The following AIMP2 variants were observed in gnomAD, a reference collection of about 807,000 sequenced individuals.
AIMP2 encodes aminoacyl tRNA synthetase complex interacting multifunctional protein 2, also known as aminoacyl tRNA synthase complex-interacting multifunctional protein 2.
In AIMP2, 20 loss-of-function variants were observed where a neutral mutation model predicts 23.4. The ratio of observed to expected loss-of-function variants is 0.85; its 90% CI spans 0.60 to 1.24. The LOEUF is 1.24. AIMP2 is among the 50% of genes most tolerant of loss of function. The probability of loss-of-function intolerance (pLI) is 0.00; values close to 1 mark genes in which losing one functional copy is unlikely to be tolerated. For synonymous variants in AIMP2, 210 were observed against 170.4 expected (o/e 1.23, Z -1.81); for missense variants, 515 against 414.5 (o/e 1.24, Z -2.10).
intron 3 of AIMP2, chr7:6,023,028 T>TGGA (rs1221220885): frequency 2.8e-6 from 1 of 358,004 alleles, no homozygotes; most frequent in African/African-American, 2.1e-5. Flanking sequence ...CAGCAGGGAT[T>TGGA]GGAGCAGGTG....
rs754338789 is a variant in AIMP2, at chr7:6,023,288, G to GT, written c.575-9dup. ...CTGCTCTGGTGATGCTACCTGGCGT[G>GT]TTTTTTCTTTTCAGTGCCGAAGACG... On this transcript the variant is annotated splice_polypyrimidine_tract_variant and intron_variant, in intron 3 of 3. Coordinates refer to ENST00000223029, the MANE Select transcript of AIMP2 (RefSeq NM_006303.4). 1.3e-6 allele frequency: 2 copies of GT among 1,575,506 alleles called. No individual in the cohort carries two copies. The highest frequency in any genetic ancestry group is 1.4e-5 in the African/African-American group (1 of 73,700).
At chr7:6,010,805 G>A (rs796264923) in intron 1 of AIMP2, among the ~76,000 whole-genome samples, 30 of 109,226 alleles carry the variant, frequency 2.7e-4, no homozygotes, top group African/African-American at 1.5e-3. Context: ...ATGTGTCTGG[G>A]TGTTTTTTTT....
At chr7:6,018,085 C>T in intron 3 of AIMP2, 40 bp downstream of exon 3, 3 of 1,494,518 alleles carry the variant, frequency 2.0e-6, no homozygotes, top group Non-Finnish European at 2.8e-6. Context: ...ACACAGCTGC[C>T]CCTTGAACAC....
intron 3 of AIMP2, among the ~76,000 whole-genome samples, chr7:6,020,054 C>T (rs972828916): frequency 2.7e-5 from 4 of 150,066 alleles, no homozygotes; most frequent in Admixed American, 2.0e-4. Context: ...TTCATGAAGG[C>T]GTCACTATAG....
intron 2 of AIMP2, among the ~76,000 whole-genome samples, chr7:6,016,652 G>A (rs1787047275): frequency 6.6e-6 from 1 of 152,136 alleles, no homozygotes; most frequent in Admixed American, 6.6e-5. Context: ...AGCATGTGGT[G>A]CTCAAGATGA....
intron 3 of AIMP2, among the ~76,000 whole-genome samples, chr7:6,018,801 T>G (rs926501536): frequency 6.6e-6 from 1 of 150,884 alleles, no homozygotes; most frequent in Admixed American, 6.6e-5. Flanking sequence ...GCCATTGTAT[T>G]CCAGCCTGGG....
rs1045126413 is a variant in AIMP2, at chr7:6,020,936, GA to G, written c.575-2363del. On this transcript the variant is annotated intron_variant, in intron 3 of 3. Transcript: ENST00000223029. ...ACTGCTAACACCTGAGACTTAACGG[GA>G]AAAGATAAACACAGCTGCTGATCTT... Among the ~76,000 whole-genome samples the G allele has an allele frequency of 7.5e-4, 114 of 152,298 alleles. 1 individual carries two copies. The highest frequency in any genetic ancestry group is 2.6e-3 in the African/African-American group (107 of 41,574).
intron 1 of AIMP2, 128 bp downstream of exon 1, chr7:6,009,626 C>T: frequency 2.5e-6 from 2 of 801,126 alleles, no homozygotes; most frequent in Non-Finnish European, 3.5e-6. Flanking sequence ...TGCCGGCCGG[C>T]CAGGGACTCA....
intron 1 of AIMP2, among the ~76,000 whole-genome samples, chr7:6,012,135 TC>T (rs1157577835): frequency 1.3e-5 from 2 of 151,794 alleles, no homozygotes; most frequent in African/African-American, 4.8e-5. Context: ...TGCCTGTAGT[TC>T]CAGCTACTCA....
intron 2 of AIMP2, among the ~76,000 whole-genome samples, chr7:6,015,649 G>A (rs371231349): frequency 2.8e-4 from 42 of 152,204 alleles, no homozygotes; most frequent in African/African-American, 8.7e-4. Context: ...GCATGAACCC[G>A]GGCAGCAGAG....
At chr7:6,023,106 T>G in intron 3 of AIMP2, 197 bp from the exon 4 acceptor site, 1 of 623,444 alleles carries the variant, frequency 1.6e-6, no homozygotes, top group East Asian at 3.0e-5. Flanking sequence ...TGGTTACTTT[T>G]TTAACATAGT....
Position 6,017,867 on chromosome 7 carries a change from CCT to C in AIMP2, c.400_401del (p.Ser134ProfsTer10). ...VINANPASPP[L>X]SLLVLHRLLC... Reference sequence around the variant, plus strand: ...TCAACGCAAACCCGGCCTCCCCTCCCCTCTCCCTGCTTGTGCTGCACAGGCTG... The same window carrying C: ...TCAACGCAAACCCGGCCTCCCCTCCCCTCCCTGCTTGTGCTGCACAGGCTG... On this transcript the variant is annotated frameshift_variant, in exon 3 of 4. Coordinates refer to ENST00000223029, the MANE Select transcript of AIMP2 (RefSeq NM_006303.4). LOFTEE classifies it high-confidence loss of function. The C allele has an allele frequency of 6.2e-7, 1 of 1,614,128 alleles. No homozygotes were observed. Among genetic ancestry groups the C allele is most frequent in the South Asian group, 1.1e-5 (1 of 91,080 alleles).
chr7:6,009,553 C>T, intron 1 of AIMP2, 55 bp downstream of exon 1: 6 of 1,376,980 alleles, frequency 4.4e-6, no homozygotes, highest in Non-Finnish European at 4.7e-6. Context: ...GGCTGCTGGC[C>T]CGGGTCCCCC....
intron 3 of AIMP2, among the ~76,000 whole-genome samples, chr7:6,018,603 A>T (rs1425962641): frequency 6.6e-6 from 1 of 152,022 alleles, no homozygotes; most frequent in Non-Finnish European, 1.5e-5. Flanking sequence ...TGTGAGGCCA[A>T]GGCAGGCAGA....
At position 6,023,361 on chromosome 7, in the gene AIMP2, G is replaced by A. The variant is rs780570820; in HGVS notation, c.633G>A (p.Gly211=). 1 of 1,613,640 alleles carries A rather than the reference G, an allele frequency of 6.2e-7. No homozygotes were observed. The highest frequency in any genetic ancestry group is 2.2e-5 in the East Asian group (1 of 44,882). Reference sequence around the variant, plus strand: ...CGATGTGCCCCATCGAAGGCGAAGGGAACATTGCACGTTTCTTGTTCTCTC... The same window carrying A: ...CGATGTGCCCCATCGAAGGCGAAGGAAACATTGCACGTTTCTTGTTCTCTC... ...IQTMCPIEGE[G]NIARFLFSLF... The change falls in exon 4 of 4, where the codon GGG becomes GGA. Residue 211 remains glycine (G), a synonymous_variant. Coordinates refer to ENST00000223029, the MANE Select transcript of AIMP2 (RefSeq NM_006303.4).
intron 2 of AIMP2, among the ~76,000 whole-genome samples, chr7:6,017,522 CA>C (rs58136223): frequency 0.21 from 26,199 of 127,062 alleles, 2,555 homozygotes; most frequent in African/African-American, 0.31. Context: ...GACTCTGTCT[CA>C]AAAAAAAAAA....
At position 6,009,974 on chromosome 7, in the gene AIMP2, A is replaced by AATAT. The variant is rs1183984035; in HGVS notation, c.135+491_135+494dup. Among the ~76,000 whole-genome samples the AATAT allele has an allele frequency of 1.9e-3, 50 of 26,670 alleles. 1 individual carries two copies. The highest frequency in any genetic ancestry group is 3.1e-3 in the African/African-American group (22 of 7,144). The allele number at this position is 26,670 out of a possible 152,430, so 17.5% of individuals were successfully genotyped here. On this transcript the variant is annotated intron_variant, in intron 1 of 3. Transcript: ENST00000223029. ...CAAAAAAAAAAAAAAAAAAAAAAAA[A>AATAT]ATATATATATATATATATGTATGTA...
intron 1 of AIMP2, among the ~76,000 whole-genome samples, chr7:6,011,708 T>C (rs1786701360): frequency 6.6e-6 from 1 of 152,234 alleles, no homozygotes; most frequent in Non-Finnish European, 1.5e-5. Flanking sequence ...CAATGGTCCC[T>C]GCACCTAGAG....
intron 1 of AIMP2, 99 bp downstream of exon 1, chr7:6,009,597 G>A: frequency 4.6e-6 from 5 of 1,082,902 alleles, no homozygotes; most frequent in Middle Eastern, 3.4e-4. Context: ...ACCGGTTCAC[G>A]GCCCCACCCC....
Sources: allele counts gnomAD v4.1 joint callset (sites outside exome capture counted in the v4.1 genomes callset), GRCh38; gene constraint gnomAD v4.1.1; transcripts MANE v1.5; gene names NCBI Gene and HGNC (gene_info 2026-07-23, HGNC 2026-07-21).